The following CLDN10 variants were observed in gnomAD, a reference collection of about 807,000 sequenced individuals.
CLDN10 encodes the protein claudin-10.
CLDN10 carries 15 observed loss-of-function variants against 22.9 expected under a neutral mutation model. That is an observed-to-expected ratio of 0.65 (90% CI 0.44 to 1.01). The LOEUF (loss-of-function observed/expected upper bound fraction) is 1.01, where lower values mean the gene tolerates loss of function less well. Among genes scored for constraint, CLDN10 ranks in the 50% least tolerant of loss-of-function variants. The probability of loss-of-function intolerance (pLI) is 0.00; values close to 1 mark genes in which losing one functional copy is unlikely to be tolerated. For synonymous variants in CLDN10, 114 were observed against 111.4 expected (o/e 1.02, Z -0.15); for missense variants, 247 against 287.8 (o/e 0.86, Z 1.03).
chr13:95,472,479 T>A (rs1303201635), intron 1 of CLDN10, among the ~76,000 whole-genome samples: 1 of 151,704 alleles, frequency 6.6e-6, no homozygotes, highest in East Asian at 2.0e-4. Context: ...GTCAGGAGTT[T>A]GAGACCAGTG....
Position 95,482,659 on chromosome 13 carries a change from G to A in CLDN10, c.214+48612G>A, listed in dbSNP as rs2138498087. ...ATCTGGATTGTTTTATTCTCATGAT[G>A]TACTTAATCCTGATTGAAGTATAAA... is the stretch of plus-strand genomic sequence containing the variant. On this transcript the variant is annotated intron_variant, in intron 1 of 4. Coordinates refer to the CLDN10 transcript ENST00000376873. Among the ~76,000 whole-genome samples, 3 of 152,306 alleles carry A rather than the reference G, an allele frequency of 2.0e-5. No homozygotes were observed. The East Asian group carries it at 5.8e-4, about 29-fold the overall frequency.
At chr13:95,484,881 A>AAAAAAAG (rs2042788743) in intron 1 of CLDN10, among the ~76,000 whole-genome samples, 1 of 128,596 alleles carries the variant, frequency 7.8e-6, no homozygotes, top group African/African-American at 3.0e-5. Context: ...AAAAAAAAAA[A>AAAAAAAG]AAAAAAAAAA....
chr13:95,550,820 CTTTTTT>C (rs56225257), upstream of CLDN10, among the ~76,000 whole-genome samples: 2 of 85,528 alleles, frequency 2.3e-5, no homozygotes, highest in South Asian at 5.0e-4. Flanking sequence ...TAGGAAGATA[CTTTTTT>C]TTTTTTTTTT....
chr13:95,535,511 G>T (rs1447608709), intron 1 of CLDN10, among the ~76,000 whole-genome samples: 2 of 151,082 alleles, frequency 1.3e-5, no homozygotes, highest in African/African-American at 4.9e-5. Context: ...GGCAGACTGA[G>T]TGGGTAGACA....
Position 95,475,878 on chromosome 13 carries a change from T to TTGAGCACCATGGCTCTGCTGTGA in CLDN10, c.214+41857_214+41879dup, listed in dbSNP as rs576549615. Among the ~76,000 whole-genome samples, 158 of 152,044 alleles carry TTGAGCACCATGGCTCTGCTGTGA rather than the reference T, an allele frequency of 1.0e-3. 5 individuals are homozygous for TTGAGCACCATGGCTCTGCTGTGA. In the South Asian group the frequency reaches 0.031, roughly 30 times the overall value. On this transcript the variant is annotated intron_variant, in intron 1 of 4. Coordinates refer to the CLDN10 transcript ENST00000376873. ...CCTCACCCTCTCTCCCTGTCGGGACTTGAGCACCATGGCTCTGCTGTGATG... is the reference window on the plus strand; with the variant it reads ...CCTCACCCTCTCTCCCTGTCGGGACTTGAGCACCATGGCTCTGCTGTGATGAGCACCATGGCTCTGCTGTGATG...
At chr13:95,466,723 CA>C (rs971271515) in intron 1 of CLDN10, among the ~76,000 whole-genome samples, 5 of 150,278 alleles carry the variant, frequency 3.3e-5, no homozygotes, top group Middle Eastern at 3.4e-3. Context: ...TCAAGGTAGG[CA>C]AAAAAAATAA....
intron 1 of CLDN10, among the ~76,000 whole-genome samples, chr13:95,474,950 C>T (rs1050604744): frequency 6.6e-6 from 1 of 152,030 alleles, no homozygotes; most frequent in African/African-American, 2.4e-5. Context: ...CTAATGGGAT[C>T]TCAGGGATCT....
At chr13:95,571,664 T>C (rs1937691993) in intron 3 of CLDN10, among the ~76,000 whole-genome samples, 1 of 152,232 alleles carries the variant, frequency 6.6e-6, no homozygotes, top group Non-Finnish European at 1.5e-5. Flanking sequence ...TGCTGTAGAA[T>C]ACTTATATAA....
upstream of CLDN10, among the ~76,000 whole-genome samples, chr13:95,550,512 C>T (rs1216211825): frequency 6.6e-6 from 1 of 152,114 alleles, no homozygotes; most frequent in African/African-American, 2.4e-5. Flanking sequence ...AAGGGACTAT[C>T]GAACAAGGCC....
intron 1 of CLDN10, among the ~76,000 whole-genome samples, chr13:95,493,300 G>A (rs879755419): frequency 6.6e-6 from 1 of 150,480 alleles, no homozygotes; most frequent in Non-Finnish European, 1.5e-5. Flanking sequence ...TTTTTTTATT[G>A]TGCTAAAAAA....
At chr13:95,532,003 C>T (rs1334287175) in intron 1 of CLDN10, among the ~76,000 whole-genome samples, 2 of 151,758 alleles carry the variant, frequency 1.3e-5, no homozygotes, top group African/African-American at 2.4e-5. Flanking sequence ...ACCAAACAAA[C>T]AATAATTAGA....
At chr13:95,479,960 C>T (rs1319866610) in intron 1 of CLDN10, 1 of 152,254 alleles carries the variant, frequency 6.6e-6, no homozygotes, top group Non-Finnish European at 1.5e-5. Flanking sequence ...CATCTTCACA[C>T]TGCTAATAAA....
At chr13:95,559,365 G>A (rs1381592591) in intron 1 of CLDN10, among the ~76,000 whole-genome samples, 1 of 152,168 alleles carries the variant, frequency 6.6e-6, no homozygotes, top group Non-Finnish European at 1.5e-5. Context: ...CAGGAAGGAT[G>A]AACAAACGAA....
chr13:95,505,618 A>G (rs538346545), intron 1 of CLDN10, among the ~76,000 whole-genome samples: 64 of 152,356 alleles, frequency 4.2e-4, no homozygotes, highest in African/African-American at 1.5e-3. Context: ...CTGTCGAATC[A>G]CTGCCATAAC....
chr13:95,465,962 T>C (rs1030400298), intron 1 of CLDN10, among the ~76,000 whole-genome samples: 5 of 152,202 alleles, frequency 3.3e-5, no homozygotes, highest in African/African-American at 1.2e-4. Context: ...TTCCATTAAT[T>C]GATTTTCTAA....
At chr13:95,485,386 A>G (rs1239618269) in intron 1 of CLDN10, among the ~76,000 whole-genome samples, 2 of 152,172 alleles carry the variant, frequency 1.3e-5, no homozygotes, top group African/African-American at 4.8e-5. Flanking sequence ...CCCTGATTTT[A>G]CCAGCCTCCA....
chr13:95,553,366 T>C (rs1594607605), intron 1 of CLDN10, among the ~76,000 whole-genome samples: 1 of 151,204 alleles, frequency 6.6e-6, no homozygotes, highest in Admixed American at 6.6e-5. Context: ...TCCACCTCCC[T>C]CCCCTACGTT....
chr13:95,453,461 T>A (rs1236924821), intron 1 of CLDN10, among the ~76,000 whole-genome samples: 4 of 151,980 alleles, frequency 2.6e-5, no homozygotes, highest in Admixed American at 1.3e-4. Flanking sequence ...GGCAGGTGGA[T>A]CACCTGAAGT....
intron 1 of CLDN10, among the ~76,000 whole-genome samples, chr13:95,473,698 G>T (rs777693972): frequency 1.8e-4 from 28 of 152,228 alleles, no homozygotes; most frequent in Non-Finnish European, 3.2e-4. Flanking sequence ...CTCTGACTCG[G>T]CAGGTCAGGG....
Sources: gnomAD v4.1 joint callset for allele counts (sites outside exome capture counted in the v4.1 genomes callset) on GRCh38, gnomAD v4.1.1 for gene constraint, MANE v1.5 for transcripts, NCBI Gene and HGNC (gene_info 2026-07-23, HGNC 2026-07-21) for gene names.